ITPR1: variants seen among roughly 807,000 people sequenced by gnomAD.
ITPR1 encodes the protein inositol 1,4,5-trisphosphate-gated calcium channel ITPR1.
ITPR1 carries 96 observed loss-of-function variants against 318.4 expected under a neutral mutation model. The ratio of observed to expected loss-of-function variants is 0.30; its 90% CI spans 0.26 to 0.36. The LOEUF (loss-of-function observed/expected upper bound fraction) is 0.36. ITPR1 is among the 10% of genes least tolerant of loss of function. The probability of loss-of-function intolerance (pLI) is 1.00; values close to 1 mark genes in which losing one functional copy is unlikely to be tolerated. For synonymous variants in ITPR1, 1,312 were observed against 1,289.9 expected (o/e 1.02, Z -0.37); for missense variants, 2,440 against 3,460.2 (o/e 0.71, Z 7.40).
chr3:4,634,282 C>T (rs536348005), intron 5 of ITPR1, among the ~76,000 whole-genome samples: 99 of 152,132 alleles, frequency 6.5e-4, no homozygotes, highest in African/African-American at 2.2e-3. Flanking sequence ...GACATGTTCC[C>T]GGCTCACTGC....
At chr3:4,516,223 C>T (rs930412874) in intron 2 of ITPR1, among the ~76,000 whole-genome samples, 6 of 152,192 alleles carry the variant, frequency 3.9e-5, no homozygotes, top group Non-Finnish European at 8.8e-5. Flanking sequence ...GAATCTGATT[C>T]AGGCATGGTT....
At chr3:4,689,998 C>T (rs2094455155) in intron 31 of ITPR1, among the ~76,000 whole-genome samples, 1 of 152,110 alleles carries the variant, frequency 6.6e-6, no homozygotes, top group South Asian at 2.1e-4. Flanking sequence ...AAAAATAGGC[C>T]AGGCATGGTG....
At chr3:4,610,999 C>CTCCTTCTCCTTCT (rs1491570466) in intron 4 of ITPR1, among the ~76,000 whole-genome samples, 12 of 82,796 alleles carry the variant, frequency 1.4e-4, no homozygotes, top group African/African-American at 1.6e-4. Flanking sequence ...CCTTCTCCTT[C>CTCCTTCTCCTTCT]CCTTCCCTTC....
chr3:4,810,990 G>A (rs1051565910), intron 55 of ITPR1, among the ~76,000 whole-genome samples: 1 of 152,220 alleles, frequency 6.6e-6, no homozygotes, highest in African/African-American at 2.4e-5. Context: ...ATTGGCACAA[G>A]CATGTATTTT....
chr3:4,767,730 G>A (rs1415514339), intron 45 of ITPR1, among the ~76,000 whole-genome samples: 3 of 152,220 alleles, frequency 2.0e-5, no homozygotes, highest in Admixed American at 6.5e-5. Flanking sequence ...ATCTCACTAT[G>A]TTGCCCAAGT....
At chr3:4,763,731 G>T (rs2045615474) in intron 44 of ITPR1, among the ~76,000 whole-genome samples, 1 of 152,266 alleles carries the variant, frequency 6.6e-6, no homozygotes, top group Non-Finnish European at 1.5e-5. Context: ...ACACAGCAAT[G>T]TGGCGTTCTC....
intron 4 of ITPR1, among the ~76,000 whole-genome samples, chr3:4,551,381 C>G (rs11130057): frequency 6.6e-6 from 1 of 151,978 alleles, no homozygotes; most frequent in Non-Finnish European, 1.5e-5. Flanking sequence ...AATCATGAAG[C>G]GATTCAGAAA....
intron 4 of ITPR1, among the ~76,000 whole-genome samples, chr3:4,617,970 G>C (rs1188997440): frequency 6.8e-6 from 1 of 147,096 alleles, no homozygotes; most frequent in East Asian, 2.0e-4. Context: ...GGGCAACAAA[G>C]TGAGACCGTG....
chr3:4,834,673 C>G (rs772238170), intron 60 of ITPR1, among the ~76,000 whole-genome samples: 2 of 152,118 alleles, frequency 1.3e-5, no homozygotes, highest in Non-Finnish European at 2.9e-5. Context: ...GTGGCTGTGT[C>G]TGAAGGATTG....
In ITPR1 at chr3:4,661,047, T is replaced by C. The variant is rs2093821491; in HGVS notation, c.1211T>C (p.Ile404Thr). 6.2e-7 allele frequency: 1 copy of C among 1,610,976 alleles called. No individual in the cohort carries two copies. The highest frequency in any genetic ancestry group is 1.3e-5 in the African/African-American group (1 of 74,856). Residue 404 changes from isoleucine to threonine, a missense_variant, in exon 14 of 62, where the codon ATT becomes ACT. By Grantham distance (89) the Ile-to-Thr change is moderately conservative. Transcript: ENST00000649015. ...AATACCTGGGTTCACAGCACAAATA[T>C]TCCTATTGACAAGGAAGAAGAAAAG... is the stretch of plus-strand genomic sequence containing the variant. ...CTNTWVHSTN[I>T]PIDKEEEKPV... is the part of the protein sequence containing the mutation.
intron 51 of ITPR1, among the ~76,000 whole-genome samples, chr3:4,784,941 C>T (rs2047087715): frequency 6.6e-6 from 1 of 151,854 alleles, no homozygotes; most frequent in South Asian, 2.1e-4. Flanking sequence ...GTGGAGATGG[C>T]CATAATGTGA....
At chr3:4,729,952 A>G (rs2042786642) in intron 42 of ITPR1, among the ~76,000 whole-genome samples, 1 of 150,380 alleles carries the variant, frequency 6.6e-6, no homozygotes, top group Non-Finnish European at 1.5e-5. Flanking sequence ...CCTTCTCTGC[A>G]ATCAGATTTC....
In ITPR1 at chr3:4,685,225, A is replaced by G; in HGVS notation, c.3702+19A>G. 7 of 1,584,774 alleles carry G rather than the reference A, an allele frequency of 4.4e-6. No homozygotes were observed. The highest frequency in any genetic ancestry group is 1.3e-5 in the African/African-American group (1 of 74,720). ...TGAGAAGGTGAGCGGTGCCTCATGC[A>G]CAGCAGCTGCTCTCAGGATGGGGCG... On this transcript the variant is annotated intron_variant, in intron 30 of 61. Transcript: ENST00000649015.
intron 53 of ITPR1, chr3:4,800,013 C>T (rs1258704743): frequency 1.8e-5 from 3 of 166,382 alleles, no homozygotes; most frequent in African/African-American, 7.2e-5. Flanking sequence ...GGTACTTCCC[C>T]TGGGGAATGT....
intron 57 of ITPR1, among the ~76,000 whole-genome samples, chr3:4,813,620 T>C (rs1157457735): frequency 6.6e-6 from 1 of 151,788 alleles, no homozygotes; most frequent in Admixed American, 6.6e-5. Context: ...GAAAGTGATA[T>C]CCAAACTATA....
rs2094373488 is a variant in ITPR1, at chr3:4,685,286, T to C, written c.3702+80T>C. 7.3e-6 allele frequency: 10 copies of C among 1,375,856 alleles called. 2 individuals are homozygous for C. In the East Asian group the frequency reaches 2.5e-4, roughly 35 times the overall value. The allele number at this position is 1,375,856 out of a possible 1,614,324, so 85.2% of individuals were successfully genotyped here. The stretch of plus-strand genomic sequence containing the variant: ...TTTCCCCAAACTCTTCACATCTGGA[T>C]ATTGTTAGTGAAGAAATGCATCCAG... On this transcript the variant is annotated intron_variant, in intron 30 of 61. Transcript: ENST00000649015.
intron 31 of ITPR1, among the ~76,000 whole-genome samples, chr3:4,688,950 C>G (rs966913446): frequency 3.3e-5 from 5 of 152,196 alleles, no homozygotes; most frequent in Non-Finnish European, 5.9e-5. Flanking sequence ...CTACTGAAGT[C>G]ATGCATAAAG....
chr3:4,743,184 C>G (rs1423346148), intron 44 of ITPR1, among the ~76,000 whole-genome samples: 1 of 152,252 alleles, frequency 6.6e-6, no homozygotes, highest in Non-Finnish European at 1.5e-5. Context: ...CCTTCTCTTC[C>G]TTTCCTCCTA....
intron 35 of ITPR1, 64 bp from the exon 36 acceptor site, chr3:4,702,766 C>A: frequency 6.5e-7 from 1 of 1,536,646 alleles, no homozygotes; most frequent in Non-Finnish European, 8.9e-7. Context: ...TGTCTCTGAT[C>A]GGATCATCAG....
Sources: allele counts gnomAD v4.1 joint callset (sites outside exome capture counted in the v4.1 genomes callset), GRCh38; gene constraint gnomAD v4.1.1; transcripts MANE v1.5; gene names NCBI Gene and HGNC (gene_info 2026-07-23, HGNC 2026-07-21).